Variants in SBF2 observed in about 807,000 individuals in gnomAD.
The protein encoded by SBF2 is myotubularin-related protein 13.
A neutral mutation model predicts 225.2 loss-of-function variants in SBF2; 112 were observed. That is an observed-to-expected ratio of 0.50 (90% CI 0.43 to 0.58). The LOEUF is 0.58. SBF2 is among the 20% of genes least tolerant of loss of function. SBF2 has a pLI of 0.00. For missense variants in SBF2, 1,996 were observed against 2,206.2 expected, an observed-to-expected ratio of 0.90 and a Z score of 1.91; for synonymous variants, 763 against 773.3, an observed-to-expected ratio of 0.99 and a Z score of 0.22.
intron 35 of SBF2, among the ~76,000 whole-genome samples, chr11:9,788,589 CTTTTTT>C (rs34787805): frequency 4.1e-5 from 5 of 122,330 alleles, no homozygotes; most frequent in Admixed American, 8.1e-5. Context: ...TGGAAAATCA[CTTTTTT>C]TTTTTTTTTT....
chr11:10,242,851 T>C (rs1022819901), intron 1 of SBF2, among the ~76,000 whole-genome samples: 1 of 152,130 alleles, frequency 6.6e-6, no homozygotes, highest in Non-Finnish European at 1.5e-5. Context: ...GATTGACAGA[T>C]CTGCAGGAGA....
intron 1 of SBF2, among the ~76,000 whole-genome samples, chr11:10,222,883 T>C (rs1224133234): frequency 6.6e-6 from 1 of 152,156 alleles, no homozygotes; most frequent in Non-Finnish European, 1.5e-5. Flanking sequence ...CATAAATGGA[T>C]TAATTACCCA....
Position 9,793,605 on chromosome 11 carries a change from G to T in SBF2, c.4570+2226C>A, listed in dbSNP as rs1036915200. ...GGGTTTCGCCGTGTTGGCCAGACTGGTCTCGAATTCCTGGCCTCAAGCAAT... is the reference window on the plus strand; with the variant it reads ...GGGTTTCGCCGTGTTGGCCAGACTGTTCTCGAATTCCTGGCCTCAAGCAAT... On this transcript the variant is annotated intron_variant, in intron 33 of 39. Coordinates refer to ENST00000256190, the MANE Select transcript of SBF2 (RefSeq NM_030962.4). Among the ~76,000 whole-genome samples the T allele has an allele frequency of 6.6e-5, 10 of 152,084 alleles. 1 individual carries two copies. Among genetic ancestry groups the T allele is most frequent in the South Asian group, 4.2e-4 (2 of 4,812 alleles).
chr11:9,967,525 G>C (rs894721665), intron 14 of SBF2, among the ~76,000 whole-genome samples: 4 of 152,160 alleles, frequency 2.6e-5, no homozygotes, highest in African/African-American at 9.7e-5. Flanking sequence ...AAGCTATGAA[G>C]ACAGAAAGTA....
rs150764056 is a variant in SBF2 at position 10,124,759 on chromosome 11, T to C, written c.141+69143A>G. Among the ~76,000 whole-genome samples the C allele has an allele frequency of 5.9e-3, 901 of 152,190 alleles. 14 individuals carry two copies. The highest frequency in any genetic ancestry group is 0.02 in the African/African-American group (820 of 41,516). ...GAAGGTCATCTCCATCTCTGCACTG[T>C]GAAAAAATAAAAACAAAAAAATATA... On this transcript the variant is annotated intron_variant, in intron 2 of 39. Transcript: ENST00000256190.
chr11:9,901,540 C>G (rs1378053254), intron 16 of SBF2, among the ~76,000 whole-genome samples: 5 of 152,230 alleles, frequency 3.3e-5, no homozygotes, highest in Non-Finnish European at 7.3e-5. Context: ...TCTGACAAAA[C>G]AGACTCTTTG....
intron 13 of SBF2, among the ~76,000 whole-genome samples, chr11:9,970,201 A>C (rs1266033770): frequency 6.6e-6 from 1 of 151,022 alleles, no homozygotes; most frequent in Non-Finnish European, 1.5e-5. Flanking sequence ...ATACTATCCC[A>C]TATATCCTAT....
intron 16 of SBF2, among the ~76,000 whole-genome samples, chr11:9,940,761 T>TA (rs1038213600): frequency 3.3e-5 from 5 of 152,080 alleles, no homozygotes; most frequent in African/African-American, 1.2e-4. Flanking sequence ...GGGAACCTCT[T>TA]AAACCTGCAG....
intron 16 of SBF2, among the ~76,000 whole-genome samples, chr11:9,950,400 T>C (rs745527395): frequency 8.5e-5 from 13 of 152,212 alleles, no homozygotes; most frequent in Non-Finnish European, 1.3e-4. Flanking sequence ...GAACATCTGA[T>C]GATGGGGCTC....
chr11:10,040,760 A>C (rs1455926339), intron 3 of SBF2, among the ~76,000 whole-genome samples: 1 of 151,494 alleles, frequency 6.6e-6, no homozygotes, highest in Non-Finnish European at 1.5e-5. Context: ...TGGGGAGAGG[A>C]GAGAGGGGAA....
At chr11:9,832,202 T>C in intron 27 of SBF2, 22 bp downstream of exon 27, 1 of 1,601,960 alleles carries the variant, frequency 6.2e-7, no homozygotes, top group South Asian at 1.1e-5. Context: ...GGGTGGTAAT[T>C]GTGTTATAGA....
chr11:10,198,875 G>A (rs1462261946), intron 1 of SBF2, among the ~76,000 whole-genome samples: 2 of 152,224 alleles, frequency 1.3e-5, no homozygotes, highest in African/African-American at 4.8e-5. Flanking sequence ...ACACAGATTT[G>A]AAGAGAGTTA....
chr11:10,115,544 G>A, intron 2 of SBF2, among the ~76,000 whole-genome samples: 1 of 152,136 alleles, frequency 6.6e-6, no homozygotes, highest in East Asian at 1.9e-4. Context: ...TTCATTTGGA[G>A]TACACATATT....
At chr11:9,848,842 T>C (rs1014301537) in intron 22 of SBF2, among the ~76,000 whole-genome samples, 5 of 152,258 alleles carry the variant, frequency 3.3e-5, no homozygotes, top group Admixed American at 3.3e-4. Flanking sequence ...TATGAACTGT[T>C]GCGCATTATA....
chr11:10,131,896 T>C (rs1013255698), intron 2 of SBF2, among the ~76,000 whole-genome samples: 1 of 152,212 alleles, frequency 6.6e-6, no homozygotes, highest in Admixed American at 6.5e-5. Context: ...TTATAGATCA[T>C]GTTTCTTGTG....
chr11:10,289,140 G>A (rs1442436500), intron 1 of SBF2, among the ~76,000 whole-genome samples: 1 of 152,244 alleles, frequency 6.6e-6, no homozygotes, highest in Admixed American at 6.5e-5. Flanking sequence ...ACACCCGGGG[G>A]CGCTGTGACA....
intron 2 of SBF2, among the ~76,000 whole-genome samples, chr11:10,163,877 A>C (rs1383885184): frequency 6.6e-6 from 1 of 152,226 alleles, no homozygotes; most frequent in Non-Finnish European, 1.5e-5. Context: ...AGCCAGAACT[A>C]AAACTCAACA....
At chr11:10,204,817 A>T (rs1182876047) in intron 1 of SBF2, among the ~76,000 whole-genome samples, 1 of 152,128 alleles carries the variant, frequency 6.6e-6, no homozygotes, top group Admixed American at 6.5e-5. Flanking sequence ...AGAGACAGGA[A>T]GTAAATTCAT....
chr11:9,827,440 G>T (rs1383747469), intron 28 of SBF2, among the ~76,000 whole-genome samples: 1 of 151,884 alleles, frequency 6.6e-6, no homozygotes, highest in African/African-American at 2.4e-5. Flanking sequence ...GAGGCAGGAG[G>T]ATTGCTCAAG....
Sources: gnomAD v4.1 joint callset for allele counts (sites outside exome capture counted in the v4.1 genomes callset) on GRCh38, gnomAD v4.1.1 for gene constraint, MANE v1.5 for transcripts, NCBI Gene and HGNC (gene_info 2026-07-23, HGNC 2026-07-21) for gene names.